SPTBN4: variants seen among roughly 807,000 people sequenced by gnomAD.
The protein encoded by SPTBN4 is spectrin beta chain, non-erythrocytic 4.
In SPTBN4, 96 loss-of-function variants were observed where a neutral mutation model predicts 277.8. The observed-to-expected ratio is 0.35, with a 90% CI of 0.29 to 0.41. SPTBN4 has a LOEUF of 0.41. Among genes scored for constraint, SPTBN4 ranks in the 10% least tolerant of loss-of-function variants. The probability of loss-of-function intolerance (pLI) is 1.00; values close to 1 mark genes in which losing one functional copy is unlikely to be tolerated. For missense variants in SPTBN4, 3,006 were observed against 3,595.7 expected, an observed-to-expected ratio of 0.84 and a Z score of 4.19; for synonymous variants, 1,481 against 1,580.3, an observed-to-expected ratio of 0.94 and a Z score of 1.49.
At chr19:40,543,771 C>T (rs532539591) in intron 20 of SPTBN4, among the ~76,000 whole-genome samples, 2 of 152,248 alleles carry the variant, frequency 1.3e-5, no homozygotes, top group South Asian at 4.2e-4. Flanking sequence ...CCTCCCAATC[C>T]CACATCCCAA....
At chr19:40,559,026 G>A (rs1204384523) in intron 26 of SPTBN4, among the ~76,000 whole-genome samples, 1 of 150,962 alleles carries the variant, frequency 6.6e-6, no homozygotes, top group African/African-American at 2.4e-5. Flanking sequence ...CTGCTTCCCG[G>A]GTTCAAGCAA....
intron 17 of SPTBN4, among the ~76,000 whole-genome samples, chr19:40,526,242 G>A (rs1473487620): frequency 7.2e-6 from 1 of 139,126 alleles, no homozygotes; most frequent in African/African-American, 2.7e-5. Context: ...GCGCGATCTC[G>A]CCTCACTGCA....
chr19:40,484,081 CA>C (rs948027640), intron 2 of SPTBN4, among the ~76,000 whole-genome samples: 3 of 149,496 alleles, frequency 2.0e-5, no homozygotes, highest in East Asian at 3.9e-4. Flanking sequence ...GACCCTGTAT[CA>C]AAAAAAAAGA....
intron 20 of SPTBN4, among the ~76,000 whole-genome samples, chr19:40,542,568 G>C (rs765042199): frequency 7.9e-5 from 12 of 152,086 alleles, no homozygotes; most frequent in South Asian, 2.1e-4. Flanking sequence ...CAGCTGCCAG[G>C]CTCTGTCCCT....
rs115005534 is a variant in SPTBN4 at position 40,539,269 on chromosome 19, C to T, written c.4359+4926C>T. Among the ~76,000 whole-genome samples the T allele has an allele frequency of 4.9e-3, 744 of 152,336 alleles. 9 individuals are homozygous for T. The highest frequency in any genetic ancestry group is 0.017 in the African/African-American group (718 of 41,584). On this transcript the variant is annotated intron_variant, in intron 20 of 35. Transcript: ENST00000598249. ...TCACAGCTCTCCCACTTGCTGCCTT[C>T]GTCTCTCCCTCTGAGCCTTGGATGC...
At chr19:40,497,665 T>C in intron 7 of SPTBN4, 61 bp downstream of exon 7, 1 of 1,362,944 alleles carries the variant, frequency 7.3e-7, no homozygotes, top group Admixed American at 1.7e-5. Context: ...CCCAATGCCA[T>C]GTCACACTCA....
Position 40,519,526 on chromosome 19 carries a change from T to C in SPTBN4, c.3029T>C (p.Val1010Ala), listed in dbSNP as rs1447626153. 5 of 1,595,920 alleles carry C rather than the reference T, an allele frequency of 3.1e-6. No homozygotes were observed. The highest frequency in any genetic ancestry group is 2.6e-6 in the Non-Finnish European group (3 of 1,173,752). ...CAGGTGCGTGAGAAGCGGAGAGCTG[T>C]GGAGAGCGCGCCCCGGGCCGGCGGC... ...RAQVREKRRA[V>A]ESAPRAGGAL... The change falls in exon 16 of 36, where the codon GTG (valine) becomes GCG (alanine). Residue 1010 changes from valine to alanine, a missense_variant. Physicochemically the swap from Val to Ala is moderately conservative, Grantham distance 64. This residue lies in a region of SPTBN4 where 1,759 missense variants were observed against 2,061.5 expected (regional missense o/e 0.85). Transcript: ENST00000598249. The surrounding 1 kb of genome is among the most constrained non-coding windows in gnomAD (Gnocchi z 5.7).
At chr19:40,561,032 G>C (rs1599812378) in intron 27 of SPTBN4, among the ~76,000 whole-genome samples, 1 of 152,136 alleles carries the variant, frequency 6.6e-6, no homozygotes, top group East Asian at 1.9e-4. Context: ...TTTTTCTCTT[G>C]AGATGGAGTC....
chr19:40,519,877 C>T lies in SPTBN4; in HGVS notation c.3380C>T (p.Ala1127Val), dbSNP rs2080505499. Residue 1127 changes from alanine (A) to valine (V), a missense_variant, in exon 16 of 36, where the codon GCG (alanine) becomes GTG (valine). Coordinates refer to ENST00000598249, the MANE Select transcript of SPTBN4 (RefSeq NM_020971.3). The surrounding 1 kb of genome is among the most constrained non-coding windows in gnomAD (Gnocchi z 5.7). ...PLPNSLEEAD[A>V]LLARHAALKE... Reference sequence around the variant, plus strand: ...CCCAACAGCCTAGAAGAGGCGGACGCGCTGCTGGCGCGCCACGCTGCGCTC... The same window carrying T: ...CCCAACAGCCTAGAAGAGGCGGACGTGCTGCTGGCGCGCCACGCTGCGCTC... 2 of 1,503,876 alleles carry T rather than the reference C, an allele frequency of 1.3e-6. No individual in the cohort carries two copies. The highest frequency in any genetic ancestry group is 1.8e-6 in the Non-Finnish European group (2 of 1,136,806). 93.2% of individuals were successfully genotyped at this position (1,503,876 alleles called of 1,614,324 possible).
At chr19:40,472,893 C>A in intron 2 of SPTBN4, 103 bp downstream of exon 2, 1 of 1,165,124 alleles carries the variant, frequency 8.6e-7, no homozygotes, top group Non-Finnish European at 1.2e-6. Context: ...CCAGCACTGT[C>A]CAATAGAACT....
Position 40,534,179 on chromosome 19 carries a change from A to G in SPTBN4, c.4195A>G (p.Thr1399Ala). Residue 1399 changes from threonine (T) to alanine (A), a missense_variant, in exon 20 of 36, where the codon ACC becomes GCC. Coordinates refer to ENST00000598249, the MANE Select transcript of SPTBN4 (RefSeq NM_020971.3). ...GTGCTGGGCGGAGCTGGAGAGCACC[A>G]CCCAGGCCAAGGCACGGCAGCTCTT... is the stretch of plus-strand genomic sequence containing the variant. ...RQCWAELEST[T>A]QAKARQLFEA... is the part of the protein sequence containing the mutation. 1 of 1,613,834 alleles carries G rather than the reference A, an allele frequency of 6.2e-7. No homozygotes were observed. The highest frequency in any genetic ancestry group is 8.5e-7 in the Non-Finnish European group (1 of 1,179,880).
At chr19:40,494,369 T>TC (rs951941219) in intron 5 of SPTBN4, among the ~76,000 whole-genome samples, 104 of 151,148 alleles carry the variant, frequency 6.9e-4, no homozygotes, top group African/African-American at 2.4e-3. Flanking sequence ...CTCCTTTCCC[T>TC]CCCCATCTCT....
Position 40,560,154 on chromosome 19 carries a change from T to A in SPTBN4, c.5671-5T>A, listed in dbSNP as rs2081026993. ...GGCTGGCGCCCGACCTGGCATGCCC[T>A]TCAGGTACGGCAGCTGCAGGAGGGG... On this transcript the variant is annotated splice_region_variant and splice_polypyrimidine_tract_variant and intron_variant, in intron 26 of 35. Transcript: ENST00000598249. The surrounding 1 kb of genome is among the most constrained non-coding windows in gnomAD (Gnocchi z 5.2). 6.3e-7 allele frequency: 1 copy of A among 1,591,844 alleles called. No homozygotes were observed. Among genetic ancestry groups the A allele is most frequent in the South Asian group, 1.1e-5 (1 of 90,150 alleles).
chr19:40,471,210 G>C (rs983458162), intron 1 of SPTBN4, among the ~76,000 whole-genome samples: 1 of 152,094 alleles, frequency 6.6e-6, no homozygotes, highest in African/African-American at 2.4e-5. Context: ...GCCCCAAAAA[G>C]TGCTGGGATT....
chr19:40,543,696 C>A (rs1340176211), intron 20 of SPTBN4, among the ~76,000 whole-genome samples: 3 of 151,998 alleles, frequency 2.0e-5, no homozygotes, highest in African/African-American at 7.2e-5. Context: ...TGAATATATT[C>A]TTTTGGGAAA....
chr19:40,549,127 G>C (rs2080888320), intron 20 of SPTBN4, 62 bp from the exon 21 acceptor site: 1 of 1,394,708 alleles, frequency 7.2e-7, no homozygotes, highest in African/African-American at 1.4e-5. Context: ...AAGGGTACTG[G>C]AGAGCCACAG....
At position 40,572,090 on chromosome 19, in the gene SPTBN4, C is replaced by G. The variant is rs75257211; in HGVS notation, c.7391C>G (p.Ala2464Gly). 7.7e-4 allele frequency: 1,247 copies of G among 1,613,054 alleles called. 9 individuals carry two copies. In the African/African-American group the frequency reaches 0.015, roughly 20 times the overall value. The change falls in exon 34 of 36, where the codon GCA (alanine) becomes GGA (glycine). Residue 2464 changes from alanine to glycine, a missense_variant. Ala to Gly is a moderately conservative substitution (Grantham distance 60). Transcript: ENST00000598249. ...TTCTACAAGGACTCCAAGGGCCCGGCATCCGGGAGCACACACGGTGGGGAA... is the reference window on the plus strand; with the variant it reads ...TTCTACAAGGACTCCAAGGGCCCGGGATCCGGGAGCACACACGGTGGGGAA... Reference protein sequence around the residue: ...LGFYKDSKGPASGSTHGGEPL... With the variant: ...LGFYKDSKGPGSGSTHGGEPL...
intron 1 of SPTBN4, among the ~76,000 whole-genome samples, chr19:40,468,600 G>A (rs191421734): frequency 9.2e-5 from 14 of 152,160 alleles, no homozygotes; most frequent in Admixed American, 4.6e-4. Context: ...GGCCGGTCTC[G>A]AATTCCTGGC....
chr19:40,497,467 C>A, intron 6 of SPTBN4, 22 bp from the exon 7 acceptor site: 1 of 1,588,208 alleles, frequency 6.3e-7, no homozygotes, highest in Non-Finnish European at 8.6e-7. Flanking sequence ...CTGCTGCCTG[C>A]CTGCTCTGTG....
Sources: gnomAD v4.1 joint callset for allele counts (sites outside exome capture counted in the v4.1 genomes callset) on GRCh38, gnomAD v4.1.1 for gene constraint, gnomAD v4.1.1 regional missense constraint, Gnocchi (gnomAD v3.1) non-coding constraint, MANE v1.5 for transcripts, NCBI Gene and HGNC (gene_info 2026-07-23, HGNC 2026-07-21) for gene names.